The following SEMA3C variants were observed in gnomAD, a reference collection of about 807,000 sequenced individuals.
SEMA3C encodes semaphorin-3C.
In SEMA3C, 47 loss-of-function variants were observed where a neutral mutation model predicts 89.4. That is an observed-to-expected ratio of 0.53 (90% CI 0.42 to 0.67). The LOEUF (loss-of-function observed/expected upper bound fraction) is 0.67. Ranked by LOEUF, SEMA3C falls within the 30% of genes least tolerant of loss-of-function variation. The probability of loss-of-function intolerance (pLI) is 0.00; values close to 1 mark genes in which losing one functional copy is unlikely to be tolerated. For synonymous variants in SEMA3C, 310 were observed against 320.2 expected (o/e 0.97, Z 0.34); for missense variants, 839 against 929.1 (o/e 0.90, Z 1.26).
At chr7:80,840,665 A>C (rs1473166792) in intron 2 of SEMA3C, among the ~76,000 whole-genome samples, 2 of 152,120 alleles carry the variant, frequency 1.3e-5, no homozygotes, top group African/African-American at 2.4e-5. Context: ...GCAGTGTAAA[A>C]AGATGACTCC....
intron 5 of SEMA3C, among the ~76,000 whole-genome samples, chr7:80,813,424 T>C (rs1323512180): frequency 6.6e-6 from 1 of 152,236 alleles, no homozygotes; most frequent in African/African-American, 2.4e-5. Flanking sequence ...AGCCAAATCC[T>C]GATTTTTCTG....
chr7:80,786,103 G>GTTATGTTA (rs1788795946), intron 12 of SEMA3C, among the ~76,000 whole-genome samples: 1 of 152,180 alleles, frequency 6.6e-6, no homozygotes, highest in East Asian at 1.9e-4. Context: ...ATCCTCAAGA[G>GTTATGTTA]ACTCCTGTGG....
chr7:80,832,422 T>A (rs955997738), intron 2 of SEMA3C, among the ~76,000 whole-genome samples: 1 of 152,170 alleles, frequency 6.6e-6, no homozygotes, highest in Non-Finnish European at 1.5e-5. Context: ...CACTGTAGAT[T>A]ATCTATCTAA....
At chr7:80,782,763 T>C (rs569537240) in intron 12 of SEMA3C, among the ~76,000 whole-genome samples, 1 of 152,258 alleles carries the variant, frequency 6.6e-6, no homozygotes, top group East Asian at 1.9e-4. Context: ...GATACAGCAA[T>C]AAATCAATCA....
intron 2 of SEMA3C, among the ~76,000 whole-genome samples, chr7:80,904,638 T>G (rs1791962734): frequency 6.6e-6 from 1 of 152,190 alleles, no homozygotes; most frequent in African/African-American, 2.4e-5. Flanking sequence ...GAACACTAGA[T>G]TGAATAGTGT....
At chr7:80,756,919 A>G (rs28645924) in intron 15 of SEMA3C, among the ~76,000 whole-genome samples, 10,169 of 152,220 alleles carry the variant, frequency 0.067, 1,164 homozygotes, top group African/African-American at 0.23. Context: ...TTGATATACC[A>G]GAGGTTTTCC....
At chr7:80,871,589 C>A (rs180752909) in intron 2 of SEMA3C, among the ~76,000 whole-genome samples, 1 of 152,220 alleles carries the variant, frequency 6.6e-6, no homozygotes, top group Admixed American at 6.5e-5. Flanking sequence ...CAGACCTTGG[C>A]GATCACCTTG....
At position 80,789,467 on chromosome 7, in the gene SEMA3C, A is replaced by T; in HGVS notation, c.1193T>A (p.Val398Asp). 1 of 1,614,044 alleles carries T rather than the reference A, an allele frequency of 6.2e-7. No homozygotes were observed. Among genetic ancestry groups the T allele is most frequent in the Non-Finnish European group, 8.5e-7 (1 of 1,179,966 alleles). Residue 398 changes from valine to aspartate, a missense_variant, in exon 12 of 18, where the codon GTC (valine) becomes GAC (aspartate). Physicochemically the swap from Val to Asp is radical, Grantham distance 152. Transcript: ENST00000265361. ...GAGAGGATGGTTCCGAATAAAAGTG[A>T]CAACATCATCTGGGAACTCCTTGGT... ...RTTKEFPDDV[V>D]TFIRNHPLMY...
At chr7:80,896,767 C>T (rs1390262498) in intron 2 of SEMA3C, among the ~76,000 whole-genome samples, 2 of 152,150 alleles carry the variant, frequency 1.3e-5, no homozygotes, top group Non-Finnish European at 2.9e-5. Flanking sequence ...AGCCTACATC[C>T]TAACTTCTCT....
At chr7:80,901,083 G>C (rs1045492345) in intron 2 of SEMA3C, among the ~76,000 whole-genome samples, 1 of 152,172 alleles carries the variant, frequency 6.6e-6, no homozygotes, top group African/African-American at 2.4e-5. Context: ...GTACAGGGTG[G>C]TACAACGAAT....
At chr7:80,751,192 A>T in intron 16 of SEMA3C, 77 bp downstream of exon 16, 3 of 1,178,600 alleles carry the variant, frequency 2.5e-6, no homozygotes, top group Non-Finnish European at 3.8e-6. Flanking sequence ...AATCTATGAC[A>T]ATGTTTCCCC....
At chr7:80,837,566 T>C (rs1440347700) in intron 2 of SEMA3C, among the ~76,000 whole-genome samples, 2 of 152,190 alleles carry the variant, frequency 1.3e-5, no homozygotes, top group East Asian at 3.9e-4. Context: ...TGTTGGCCTA[T>C]TCTTTGTTCT....
intron 13 of SEMA3C, among the ~76,000 whole-genome samples, chr7:80,763,769 C>A (rs1320101118): frequency 2.0e-5 from 3 of 151,928 alleles, no homozygotes; most frequent in Admixed American, 2.0e-4. Flanking sequence ...ATTATTTTAG[C>A]AAGCCAAGTT....
chr7:80,795,441 G>C (rs1344610547), intron 11 of SEMA3C, among the ~76,000 whole-genome samples: 1 of 152,112 alleles, frequency 6.6e-6, no homozygotes, highest in South Asian at 2.1e-4. Flanking sequence ...CCACATTATA[G>C]AAATATTTCT....
At chr7:80,908,037 C>T (rs951510061) in intron 2 of SEMA3C, among the ~76,000 whole-genome samples, 1 of 151,974 alleles carries the variant, frequency 6.6e-6, no homozygotes, top group Non-Finnish European at 1.5e-5. Flanking sequence ...TTTATACAAG[C>T]CAATTTTATA....
At chr7:80,884,670 T>C (rs1221387389) in intron 2 of SEMA3C, among the ~76,000 whole-genome samples, 1 of 152,210 alleles carries the variant, frequency 6.6e-6, no homozygotes, top group Non-Finnish European at 1.5e-5. Context: ...TTGTCTGCCA[T>C]GGAAGCTAGT....
intron 2 of SEMA3C, among the ~76,000 whole-genome samples, chr7:80,862,768 G>C (rs967118421): frequency 5.3e-5 from 8 of 152,220 alleles, no homozygotes; most frequent in Non-Finnish European, 8.8e-5. Context: ...GAACAGAATA[G>C]AGAACCCAGA....
At chr7:80,879,671 T>C (rs897114879) in intron 2 of SEMA3C, among the ~76,000 whole-genome samples, 3 of 152,236 alleles carry the variant, frequency 2.0e-5, no homozygotes, top group Non-Finnish European at 2.9e-5. Context: ...TATTAAGCTT[T>C]AGCTTAATAG....
At chr7:80,896,174 T>C (rs974710156) in intron 2 of SEMA3C, among the ~76,000 whole-genome samples, 1 of 152,156 alleles carries the variant, frequency 6.6e-6, no homozygotes, top group Non-Finnish European at 1.5e-5. Flanking sequence ...TAATCAATGA[T>C]TGTCTTTTAA....
Sources: allele counts gnomAD v4.1 joint callset (sites outside exome capture counted in the v4.1 genomes callset), GRCh38; gene constraint gnomAD v4.1.1; transcripts MANE v1.5; gene names NCBI Gene and HGNC (gene_info 2026-07-23, HGNC 2026-07-21).